Variants in HIP1R observed in about 807,000 individuals in gnomAD.
HIP1R encodes the protein huntingtin-interacting protein 1-related protein.
HIP1R carries 135 observed loss-of-function variants against 144.2 expected under a neutral mutation model. The observed-to-expected ratio is 0.94, with a 90% confidence interval of 0.81 to 1.08. The LOEUF (loss-of-function observed/expected upper bound fraction) is 1.08. HIP1R is among the 50% of genes least tolerant of loss of function. The pLI is 0.00. For missense variants in HIP1R, 1,462 were observed against 1,432.8 expected, an observed-to-expected ratio of 1.02 and a Z score of -0.33; for synonymous variants, 698 against 612.8, an observed-to-expected ratio of 1.14 and a Z score of -2.05.
chr12:122,858,368 C>G lies in HIP1R; in HGVS notation c.1983C>G (p.Ala661=). ...TSSPDYLVSR[A]QEALDAVSTL... The stretch of plus-strand genomic sequence containing the variant: ...TTGCAGACTACCTGGTGAGCAGGGC[C>G]CAGGAGGCCTTGGATGCCGTGAGCA... Residue 661 remains alanine, a synonymous_variant, in exon 20 of 32, where the codon GCC becomes GCG. Coordinates refer to ENST00000253083, the MANE Select transcript of HIP1R (RefSeq NM_003959.3). 6.2e-7 allele frequency: 1 copy of G among 1,610,546 alleles called. No individual in the cohort carries two copies. Among genetic ancestry groups the G allele is most frequent in the South Asian group, 1.1e-5 (1 of 90,814 alleles).
chr12:122,854,217 G>T (rs199575448), intron 8 of HIP1R, 34 bp downstream of exon 8: 360 of 1,599,006 alleles, frequency 2.3e-4, no homozygotes, highest in Non-Finnish European at 3.0e-4. Context: ...GGCCCGGAAG[G>T]CTGTGTTTAT....
At chr12:122,842,820 G>T (rs370019456) in intron 1 of HIP1R, among the ~76,000 whole-genome samples, 142 of 152,354 alleles carry the variant, frequency 9.3e-4, no homozygotes, top group Middle Eastern at 3.4e-3. Flanking sequence ...GCTCGCTGGG[G>T]TGTGCCCCAT....
Position 122,855,832 on chromosome 12 carries a change from G to A in HIP1R, c.1057G>A (p.Asp353Asn), listed in dbSNP as rs781620959. The A allele has an allele frequency of 1.1e-5, 17 of 1,556,080 alleles. No homozygotes were observed. The East Asian group carries it at 4.1e-4, about 37-fold the overall frequency. Residue 353 changes from aspartate (D) to asparagine (N), a missense_variant and splice_region_variant, in exon 13 of 32, where the codon GAC becomes AAC. Asp to Asn is a conservative substitution (Grantham distance 23). This residue lies in a region of HIP1R where 1,112 missense variants were observed against 1,011.7 expected (regional missense o/e 1.10). Transcript: ENST00000253083. ...GAACCCCAGGACCTCTGTCCCCAGG[G>A]ACCTCCAGATTGAGAGCTTGAAGAG... ...PPNGSVKDDR[D>N]LQIESLKREV...
chr12:122,845,373 C>T (rs1288326838), intron 1 of HIP1R, among the ~76,000 whole-genome samples: 1 of 152,246 alleles, frequency 6.6e-6, no homozygotes, highest in African/African-American at 2.4e-5. Flanking sequence ...ATCTGCCCAT[C>T]CTAGACACAA....
intron 8 of HIP1R, among the ~76,000 whole-genome samples, chr12:122,854,501 G>A (rs1358571871): frequency 2.0e-5 from 3 of 152,192 alleles, no homozygotes; most frequent in African/African-American, 7.2e-5. Flanking sequence ...GCGCAAAAAG[G>A]CAAAAGGTGT....
At chr12:122,841,451 G>T (rs141624743) in intron 1 of HIP1R, among the ~76,000 whole-genome samples, 1 of 152,222 alleles carries the variant, frequency 6.6e-6, no homozygotes, top group African/African-American at 2.4e-5. Flanking sequence ...GGGCCGCGTC[G>T]TAAGTGGCTG....
intron 31 of HIP1R, 45 bp from the exon 32 acceptor site, chr12:122,861,661 G>C (rs765884762): frequency 3.1e-6 from 5 of 1,610,938 alleles, no homozygotes; most frequent in Non-Finnish European, 4.2e-6. Context: ...TGGGGCCCCA[G>C]GTGCCTGGCT....
intron 1 of HIP1R, among the ~76,000 whole-genome samples, chr12:122,837,841 A>G (rs2032950556): frequency 6.6e-6 from 1 of 152,188 alleles, no homozygotes. Context: ...ATTTAATTAG[A>G]TCGTTCCCAG....
upstream of HIP1R, chr12:122,834,764 G>C: frequency 2.6e-6 from 1 of 378,388 alleles, no homozygotes; most frequent in East Asian, 7.6e-5. Context: ...CCTGGAGCTG[G>C]CGAGGTGTCC....
At chr12:122,856,952 A>C in intron 17 of HIP1R, 69 bp from the exon 18 acceptor site, 1 of 1,118,284 alleles carries the variant, frequency 8.9e-7, no homozygotes, top group Non-Finnish European at 1.2e-6. Flanking sequence ...CCAGTTTATA[A>C]GCGTGGGGGC....
In HIP1R at chr12:122,848,625, G is replaced by C. The variant is rs1222858243; in HGVS notation, c.300+17G>C. 1 of 1,604,800 alleles carries C rather than the reference G, an allele frequency of 6.2e-7. No individual in the cohort carries two copies. Among genetic ancestry groups the C allele is most frequent in the Non-Finnish European group, 8.5e-7 (1 of 1,174,128 alleles). On this transcript the variant is annotated intron_variant, in intron 3 of 31. Coordinates refer to ENST00000253083, the MANE Select transcript of HIP1R (RefSeq NM_003959.3). ...CACCCCAATGTGAGTAGCAGCTGCT[G>C]CCTCTGCTCCCCGGAGCTGGGGCAC...
chr12:122,853,915 G>T (rs189186753), intron 7 of HIP1R, 128 bp from the exon 8 acceptor site: 3 of 1,128,114 alleles, frequency 2.7e-6, no homozygotes, highest in Non-Finnish European at 2.5e-6. Context: ...TGAGGCTCCC[G>T]TCTTGGAGGC....
intron 7 of HIP1R, chr12:122,853,808 T>G (rs2033472548): frequency 2.3e-6 from 1 of 435,648 alleles, no homozygotes; most frequent in Non-Finnish European, 4.0e-6. Context: ...AAGCCCTTGC[T>G]GAGCTGGGCT....
At chr12:122,859,613 G>C (rs2033703582) in intron 23 of HIP1R, 77 bp downstream of exon 23, 1 of 1,378,218 alleles carries the variant, frequency 7.3e-7, no homozygotes, top group Non-Finnish European at 1.0e-6. Flanking sequence ...GCTGGGTACA[G>C]GCTGCACCCA....
chr12:122,852,967 T>A (rs907351925), intron 7 of HIP1R, among the ~76,000 whole-genome samples: 1 of 151,876 alleles, frequency 6.6e-6, no homozygotes, highest in Non-Finnish European at 1.5e-5. Flanking sequence ...TTCTTGCCCC[T>A]CCCCCCCAGG....
At chr12:122,856,797 C>A in intron 17 of HIP1R, 71 bp downstream of exon 17, 1 of 1,332,754 alleles carries the variant, frequency 7.5e-7, no homozygotes, top group Non-Finnish European at 1.0e-6. Flanking sequence ...GTCCTCTTTC[C>A]CGTGAACAGG....
chr12:122,855,065 C>T lies in HIP1R; in HGVS notation c.789C>T (p.Phe263=), dbSNP rs2033523344. Residue 263 remains phenylalanine, a synonymous_variant, in exon 10 of 32, where the codon TTC becomes TTT. Transcript: ENST00000253083. ...ACCATCTCTGCAGCCTCAGGAACTT[C>T]TTCCGCAGAGCCTCCGACATGCTGT... ...FHEQFHSLRN[F]FRRASDMLYF... 6.2e-7 allele frequency: 1 copy of T among 1,613,930 alleles called. No individual in the cohort carries two copies. Among genetic ancestry groups the T allele is most frequent in the East Asian group, 2.2e-5 (1 of 44,880 alleles).
chr12:122,858,365 G>A lies in HIP1R; in HGVS notation c.1980G>A (p.Arg660=), dbSNP rs778308917. 3.7e-6 allele frequency: 6 copies of A among 1,610,046 alleles called. No individual in the cohort carries two copies. Among genetic ancestry groups the A allele is most frequent in the East Asian group, 4.5e-5 (2 of 44,818 alleles). Residue 660 remains arginine, a synonymous_variant, in exon 20 of 32, where the codon AGG becomes AGA. Coordinates refer to ENST00000253083, the MANE Select transcript of HIP1R (RefSeq NM_003959.3). ...CTSSPDYLVS[R]AQEALDAVST... is the part of the protein sequence containing the mutation. ...TGCTTGCAGACTACCTGGTGAGCAG[G>A]GCCCAGGAGGCCTTGGATGCCGTGA...
rs1470325682 is a variant in HIP1R at position 122,862,694 on chromosome 12, G to A, written c.*941G>A. On this transcript the variant is annotated 3_prime_UTR_variant, in exon 32 of 32. Coordinates refer to ENST00000253083, the MANE Select transcript of HIP1R (RefSeq NM_003959.3). Reference sequence around the variant, plus strand: ...CTGGCTTTGCCCGTCAGATTTGAACGAATGTGTGTCCCTTGAGCCCAAGGA... The same window carrying A: ...CTGGCTTTGCCCGTCAGATTTGAACAAATGTGTGTCCCTTGAGCCCAAGGA... 1.3e-5 allele frequency: 2 copies of A among 152,012 alleles called. No homozygotes were observed. The highest frequency in any genetic ancestry group is 4.2e-4 in the South Asian group (2 of 4,812). The allele number at this position is 152,012 out of a possible 1,614,324, so 9.4% of individuals were successfully genotyped here.
Sources: gnomAD v4.1 joint callset for allele counts (sites outside exome capture counted in the v4.1 genomes callset) on GRCh38, gnomAD v4.1.1 for gene constraint, gnomAD v4.1.1 regional missense constraint, MANE v1.5 for transcripts, NCBI Gene and HGNC (gene_info 2026-07-23, HGNC 2026-07-21) for gene names.